Variants in TAF2 observed in about 807,000 individuals in gnomAD.
The protein encoded by TAF2 is TATA-box binding protein associated factor 2.
A neutral mutation model predicts 138.5 loss-of-function variants in TAF2; 61 were observed. The observed-to-expected ratio is 0.44, with a 90% CI of 0.36 to 0.54. TAF2 has a LOEUF of 0.54. TAF2 is among the 20% of genes least tolerant of loss of function. TAF2 has a pLI of 0.00. For missense variants in TAF2, 1,090 were observed against 1,427.9 expected, an observed-to-expected ratio of 0.76 and a Z score of 3.81; for synonymous variants, 475 against 469.9, an observed-to-expected ratio of 1.01 and a Z score of -0.14.
At chr8:119,739,682 T>TGAATA (rs1416196752) in intron 25 of TAF2, among the ~76,000 whole-genome samples, 3 of 151,050 alleles carry the variant, frequency 2.0e-5, no homozygotes, top group African/African-American at 7.3e-5. Context: ...TCTCAGCTCA[T>TGAATA]GAATAAAATA....
At chr8:119,771,052 C>G (rs1242007023) in intron 18 of TAF2, among the ~76,000 whole-genome samples, 3 of 151,906 alleles carry the variant, frequency 2.0e-5, no homozygotes, top group Non-Finnish European at 4.4e-5. Context: ...GCCTGGGCGA[C>G]AGAGCGAGAC....
At chr8:119,743,032 G>T (rs562792333) in intron 24 of TAF2, among the ~76,000 whole-genome samples, 1 of 151,640 alleles carries the variant, frequency 6.6e-6, no homozygotes, top group African/African-American at 2.4e-5. Flanking sequence ...TGGCACTACC[G>T]CACTCCAGCC....
At chr8:119,788,239 TA>T in intron 14 of TAF2, 98 bp downstream of exon 14, 24 of 1,027,032 alleles carry the variant, frequency 2.3e-5, no homozygotes, top group Non-Finnish European at 3.0e-5. Context: ...AAGTATAATT[TA>T]AAAAAAATTA....
At chr8:119,733,782 C>T (rs185377297) in intron 25 of TAF2, among the ~76,000 whole-genome samples, 3 of 145,408 alleles carry the variant, frequency 2.1e-5, no homozygotes, top group South Asian at 2.1e-4. Context: ...TTAAATCCGC[C>T]CCCCCCCATC....
At chr8:119,777,474 A>G (rs1822335306) in intron 18 of TAF2, among the ~76,000 whole-genome samples, 1 of 152,202 alleles carries the variant, frequency 6.6e-6, no homozygotes, top group Admixed American at 6.5e-5. Flanking sequence ...GACACTCTCT[A>G]GCACAGCATA....
intron 23 of TAF2, 174 bp from the exon 24 acceptor site, chr8:119,744,567 G>C (rs1451186717): frequency 3.2e-6 from 2 of 634,792 alleles, no homozygotes; most frequent in Non-Finnish European, 5.5e-6. Context: ...AGATTATGTG[G>C]TCCAGCCTCT....
In TAF2 at chr8:119,732,024, T is replaced by C; in HGVS notation, c.3500A>G (p.His1167Arg). Residue 1167 changes from histidine (H) to arginine (R), a missense_variant, in exon 26 of 26, where the codon CAC (histidine) becomes CGC (arginine). Physicochemically the swap from His to Arg is conservative, Grantham distance 29. Around this residue, in one of 3 missense-constraint regions of TAF2, gnomAD observed 580 missense variants for 719.6 expected, o/e 0.81. Coordinates refer to ENST00000378164, the MANE Select transcript of TAF2 (RefSeq NM_003184.4). ...KKKKHKHKHK[H>R]KHKHDSKEKD... ...TTCTTTACTGTCATGCTTATGCTTGTGTTTGTGCTTATGTTTATGCTTCTT... is the reference window on the plus strand; with the variant it reads ...TTCTTTACTGTCATGCTTATGCTTGCGTTTGTGCTTATGTTTATGCTTCTT... 6.2e-7 allele frequency: 1 copy of C among 1,614,196 alleles called. No individual in the cohort carries two copies. Among genetic ancestry groups the C allele is most frequent in the Non-Finnish European group, 8.5e-7 (1 of 1,180,034 alleles).
At chr8:119,781,330 AT>A in intron 16 of TAF2, 137 bp from the exon 17 acceptor site, 1 of 1,059,818 alleles carries the variant, frequency 9.4e-7, no homozygotes, top group Non-Finnish European at 1.4e-6. Flanking sequence ...ATTTATAACA[AT>A]TTAGCATTTT....
At chr8:119,762,917 TAAA>T in intron 18 of TAF2, 1 of 186,504 alleles carries the variant, frequency 5.4e-6, no homozygotes, top group Non-Finnish European at 1.1e-5. Context: ...AGGAAGCCAC[TAAA>T]AAAAAAAACA....
intron 17 of TAF2, 98 bp from the exon 18 acceptor site, chr8:119,778,227 G>T: frequency 1.4e-6 from 1 of 719,660 alleles, no homozygotes; most frequent in Non-Finnish European, 2.4e-6. Context: ...CTCTTGGGCT[G>T]ACATAGATAT....
At position 119,816,303 on chromosome 8, in the gene TAF2, C is replaced by T. The variant is rs111616945; in HGVS notation, c.299+3043G>A. Among the ~76,000 whole-genome samples, 11 of 151,822 alleles carry T rather than the reference C, an allele frequency of 7.2e-5. No homozygotes were observed. In the South Asian group the frequency reaches 2.1e-3, roughly 29 times the overall value. ...CGATCTCCTGACCTCATGATCTGCC[C>T]GCCTCGGCCTCCCAGAGTGCTGGGA... is the stretch of plus-strand genomic sequence containing the variant. On this transcript the variant is annotated intron_variant, in intron 3 of 25. Coordinates refer to ENST00000378164, the MANE Select transcript of TAF2 (RefSeq NM_003184.4).
intron 24 of TAF2, among the ~76,000 whole-genome samples, 153 bp from the exon 25 acceptor site, chr8:119,742,809 G>A (rs181744498): frequency 1.3e-5 from 2 of 152,184 alleles, no homozygotes; most frequent in African/African-American, 4.8e-5. Flanking sequence ...TAGCTGGGTG[G>A]AGTGGCTCAC....
intron 3 of TAF2, among the ~76,000 whole-genome samples, chr8:119,808,734 C>T (rs1410971516): frequency 6.6e-6 from 1 of 152,214 alleles, no homozygotes; most frequent in Non-Finnish European, 1.5e-5. Context: ...TCTCCTAGTA[C>T]ATCTCCATCA....
chr8:119,734,040 G>A (rs767672643), intron 25 of TAF2, among the ~76,000 whole-genome samples: 2 of 152,128 alleles, frequency 1.3e-5, no homozygotes, highest in African/African-American at 4.8e-5. Context: ...GACATCCTAC[G>A]AGTAGAGGCC....
At chr8:119,735,535 G>A (rs1819169643) in intron 25 of TAF2, among the ~76,000 whole-genome samples, 1 of 152,212 alleles carries the variant, frequency 6.6e-6, no homozygotes, top group African/African-American at 2.4e-5. Context: ...ACAAATCAAA[G>A]TTTCTGTGCT....
chr8:119,830,144 C>T (rs768126623), intron 2 of TAF2, among the ~76,000 whole-genome samples: 38 of 151,968 alleles, frequency 2.5e-4, no homozygotes, highest in Middle Eastern at 3.4e-3. Context: ...ATGATCCACC[C>T]GCCTCAGCCT....
intron 2 of TAF2, among the ~76,000 whole-genome samples, chr8:119,825,121 A>G (rs1395055253): frequency 1.3e-5 from 2 of 152,240 alleles, no homozygotes; most frequent in East Asian, 1.9e-4. Context: ...TGCAACCTGC[A>G]AAGTCTCAGA....
intron 18 of TAF2, among the ~76,000 whole-genome samples, chr8:119,775,489 G>C (rs1822160668): frequency 1.3e-5 from 2 of 151,858 alleles, no homozygotes; most frequent in Non-Finnish European, 2.9e-5. Context: ...AATCACTTGA[G>C]GTCAGGAGTT....
chr8:119,803,403 A>T (rs1824398261), intron 5 of TAF2, among the ~76,000 whole-genome samples: 1 of 152,144 alleles, frequency 6.6e-6, no homozygotes, highest in Admixed American at 6.6e-5. Context: ...TGTAAGATTG[A>T]GGAGGGGTCG....
Sources: gnomAD v4.1 joint callset for allele counts (sites outside exome capture counted in the v4.1 genomes callset) on GRCh38, gnomAD v4.1.1 for gene constraint, gnomAD v4.1.1 regional missense constraint, MANE v1.5 for transcripts, NCBI Gene and HGNC (gene_info 2026-07-23, HGNC 2026-07-21) for gene names.